Variants in SEMA3E observed in about 807,000 individuals in gnomAD.
The protein encoded by SEMA3E is semaphorin 3E.
SEMA3E carries 49 observed loss-of-function variants against 93.6 expected under a neutral mutation model. The observed-to-expected ratio is 0.52, with a 90% confidence interval of 0.42 to 0.66. SEMA3E has a LOEUF of 0.66. Ranked by LOEUF, SEMA3E falls within the 30% of genes least tolerant of loss-of-function variation. SEMA3E has a pLI of 0.00. For synonymous variants in SEMA3E, 363 were observed against 330.7 expected (o/e 1.10, Z -1.06); for missense variants, 906 against 964.8 (o/e 0.94, Z 0.81).
chr7:83,460,755 G>A (rs192952193), intron 4 of SEMA3E, among the ~76,000 whole-genome samples: 98 of 148,258 alleles, frequency 6.6e-4, no homozygotes, highest in Middle Eastern at 3.4e-3. Flanking sequence ...CCTTATCTCC[G>A]TGCCCCGGCC....
chr7:83,444,673 ATTT>A (rs397952833), intron 4 of SEMA3E, among the ~76,000 whole-genome samples: 1 of 142,288 alleles, frequency 7.0e-6, no homozygotes. Context: ...AATATTCAGC[ATTT>A]TTTTTTTTTT....
intron 2 of SEMA3E, among the ~76,000 whole-genome samples, chr7:83,469,891 G>C (rs898536318): frequency 6.6e-6 from 1 of 151,938 alleles, no homozygotes; most frequent in African/African-American, 2.4e-5. Context: ...CCGCCTCCTG[G>C]GTTCAAGCAA....
At chr7:83,630,752 A>C (rs1793769743) in intron 1 of SEMA3E, among the ~76,000 whole-genome samples, 1 of 152,214 alleles carries the variant, frequency 6.6e-6, no homozygotes, top group African/African-American at 2.4e-5. Flanking sequence ...AGACAGTATA[A>C]GCAGCTCATA....
chr7:83,484,892 G>T (rs1458057127), intron 2 of SEMA3E, among the ~76,000 whole-genome samples: 1 of 152,138 alleles, frequency 6.6e-6, no homozygotes, highest in Admixed American at 6.5e-5. Context: ...CTAAATAAAT[G>T]AATCAAGGGA....
intron 13 of SEMA3E, 90 bp downstream of exon 13, chr7:83,394,207 C>A: frequency 1.5e-6 from 2 of 1,318,004 alleles, no homozygotes; most frequent in South Asian, 1.3e-5. Context: ...CATATTTAAG[C>A]ACATGTACTA....
rs1031074998 is a variant in SEMA3E, at chr7:83,631,627, G to T, written c.115+16801C>A. ...GAATATAGGAATGTCTCACTCCAAA[G>T]TGCATGTCTTTTTCAGGGCACCACA... On this transcript the variant is annotated intron_variant, in intron 1 of 16. Coordinates refer to ENST00000643230, the MANE Select transcript of SEMA3E (RefSeq NM_012431.3). 3.3e-5 allele frequency among the ~76,000 whole-genome samples: 5 copies of T among 152,188 alleles called. No individual in the cohort carries two copies. In the East Asian group the frequency reaches 7.7e-4, roughly 23 times the overall value.
intron 16 of SEMA3E, among the ~76,000 whole-genome samples, chr7:83,369,340 A>T (rs896200515): frequency 5.9e-5 from 9 of 152,200 alleles, no homozygotes; most frequent in African/African-American, 2.2e-4. Flanking sequence ...GAGACCTGGC[A>T]TAGATGAAGT....
intron 6 of SEMA3E, among the ~76,000 whole-genome samples, 167 bp downstream of exon 6, chr7:83,408,201 C>T (rs559708549): frequency 1.3e-5 from 2 of 152,108 alleles, no homozygotes; most frequent in African/African-American, 4.8e-5. Flanking sequence ...AAATGATGTA[C>T]ATATATTATA....
At chr7:83,560,972 C>T (rs1191747917) in intron 1 of SEMA3E, among the ~76,000 whole-genome samples, 3 of 151,838 alleles carry the variant, frequency 2.0e-5, no homozygotes, top group Non-Finnish European at 4.4e-5. Context: ...AAATCATAAA[C>T]TATGATTCAA....
chr7:83,527,432 C>T (rs187838301), intron 1 of SEMA3E, among the ~76,000 whole-genome samples: 36 of 152,172 alleles, frequency 2.4e-4, no homozygotes, highest in African/African-American at 8.4e-4. Flanking sequence ...TCTAGGCCAT[C>T]GGCAGCACTA....
chr7:83,419,202 T>C (rs1584236105), intron 4 of SEMA3E, among the ~76,000 whole-genome samples: 1 of 152,282 alleles, frequency 6.6e-6, no homozygotes, highest in East Asian at 1.9e-4. Flanking sequence ...TCTACCTACA[T>C]CAATTTTGCT....
At chr7:83,382,643 C>A (rs562467334) in intron 16 of SEMA3E, among the ~76,000 whole-genome samples, 3 of 151,512 alleles carry the variant, frequency 2.0e-5, no homozygotes, top group African/African-American at 7.2e-5. Context: ...ATTTAATTTA[C>A]ATTTATAATT....
intron 1 of SEMA3E, among the ~76,000 whole-genome samples, chr7:83,539,493 T>A (rs1201276705): frequency 6.6e-6 from 1 of 152,138 alleles, no homozygotes; most frequent in Non-Finnish European, 1.5e-5. Context: ...TACTTCCAAC[T>A]CCTAAACTTT....
chr7:83,406,062 G>A lies in SEMA3E; in HGVS notation c.814-3C>T. 6.2e-7 allele frequency: 1 copy of A among 1,602,396 alleles called. No homozygotes were observed. Among genetic ancestry groups the A allele is most frequent in the Non-Finnish European group, 8.5e-7 (1 of 1,169,848 alleles). On this transcript the variant is annotated splice_polypyrimidine_tract_variant and splice_region_variant and intron_variant, in intron 7 of 16. Coordinates refer to ENST00000643230, the MANE Select transcript of SEMA3E (RefSeq NM_012431.3). ...ATTCTCTGCCCTCCTACATCATTCT[G>A]TGAAAACCAAAAAGGAGGTAAATAG... is the stretch of plus-strand genomic sequence containing the variant.
rs551353430 is a variant in SEMA3E, at chr7:83,616,064, A to G, written c.115+32364T>C. On this transcript the variant is annotated intron_variant, in intron 1 of 16. Coordinates refer to ENST00000643230, the MANE Select transcript of SEMA3E (RefSeq NM_012431.3). ...CCTTGAAGAGATTAGACCATGAGCT[A>G]GATAACCCGTTGGGGTCCCTTTCAA... 2.6e-5 allele frequency among the ~76,000 whole-genome samples: 4 copies of G among 152,180 alleles called. No individual in the cohort carries two copies. The South Asian group carries it at 8.3e-4, about 32-fold the overall frequency.
chr7:83,607,588 A>G (rs1300828647), intron 1 of SEMA3E, among the ~76,000 whole-genome samples: 4 of 152,168 alleles, frequency 2.6e-5, no homozygotes, highest in Admixed American at 6.6e-5. Flanking sequence ...TGATTTATTC[A>G]CTTGAAAAAT....
At chr7:83,510,466 T>C (rs1263953571) in intron 1 of SEMA3E, among the ~76,000 whole-genome samples, 1 of 152,150 alleles carries the variant, frequency 6.6e-6, no homozygotes, top group Non-Finnish European at 1.5e-5. Context: ...AGAGGTGGAG[T>C]AATACAATAT....
At chr7:83,512,683 A>G (rs1447637357) in intron 1 of SEMA3E, among the ~76,000 whole-genome samples, 1 of 152,182 alleles carries the variant, frequency 6.6e-6, no homozygotes, top group African/African-American at 2.4e-5. Context: ...ATACTAAATC[A>G]GGTAAATAAG....
intron 1 of SEMA3E, among the ~76,000 whole-genome samples, chr7:83,534,952 T>C (rs1791384092): frequency 6.6e-6 from 1 of 152,180 alleles, no homozygotes; most frequent in Non-Finnish European, 1.5e-5. Context: ...TAATAAGCCA[T>C]TCCTCTGCAG....
Sources: allele counts gnomAD v4.1 joint callset (sites outside exome capture counted in the v4.1 genomes callset), GRCh38; gene constraint gnomAD v4.1.1; transcripts MANE v1.5; gene names NCBI Gene and HGNC (gene_info 2026-07-23, HGNC 2026-07-21).